The following GRM5 variants were observed in gnomAD, a reference collection of about 807,000 sequenced individuals.
GRM5 encodes metabotropic glutamate receptor 5.
In GRM5, 19 loss-of-function variants were observed where a neutral mutation model predicts 83.1. The observed-to-expected ratio is 0.23, with a 90% CI of 0.16 to 0.34. The LOEUF is 0.34. Ranked by LOEUF, GRM5 falls within the 10% of genes least tolerant of loss-of-function variation. The pLI is 1.00. For synonymous variants in GRM5, 675 were observed against 633.6 expected (o/e 1.07, Z -0.98); for missense variants, 1,160 against 1,588.3 (o/e 0.73, Z 4.58).
chr11:88,950,504 TTAATGA>T (rs1244612119), intron 2 of GRM5, among the ~76,000 whole-genome samples: 11 of 151,982 alleles, frequency 7.2e-5, no homozygotes, highest in Non-Finnish European at 1.6e-4. Context: ...CACTAAAATG[TTAATGA>T]TAAGAATAAA....
intron 3 of GRM5, among the ~76,000 whole-genome samples, chr11:88,730,124 C>T (rs1310788338): frequency 6.6e-6 from 1 of 152,134 alleles, no homozygotes; most frequent in Non-Finnish European, 1.5e-5. Context: ...TTTTTGCAAT[C>T]TACTCATCTG....
intron 9 of GRM5, among the ~76,000 whole-genome samples, chr11:88,512,788 T>G (rs1941414055): frequency 6.6e-6 from 1 of 152,242 alleles, no homozygotes; most frequent in African/African-American, 2.4e-5. Context: ...CTAAGGATGT[T>G]CAGTTTTTAT....
chr11:88,934,061 A>T (rs534914515), intron 2 of GRM5, among the ~76,000 whole-genome samples: 1 of 151,868 alleles, frequency 6.6e-6, no homozygotes, highest in Admixed American at 6.6e-5. Flanking sequence ...TCATAAAAGT[A>T]AAAAGAAAAA....
chr11:88,520,792 G>A lies in GRM5; in HGVS notation c.2726+4517C>T, dbSNP rs117404903. Among the ~76,000 whole-genome samples the A allele has an allele frequency of 5.3e-5, 8 of 152,140 alleles. No homozygotes were observed. In the East Asian group the frequency reaches 5.8e-4, roughly 11 times the overall value. The stretch of plus-strand genomic sequence containing the variant: ...ATCTGAGGTCCTACTCATTTAACAA[G>A]GACTATTATGACATGACTCTTACCA... On this transcript the variant is annotated intron_variant, in intron 9 of 9. Coordinates refer to ENST00000305447, the MANE Select transcript of GRM5 (RefSeq NM_001143831.3).
At chr11:88,634,459 C>G (rs1280875238) in intron 4 of GRM5, among the ~76,000 whole-genome samples, 1 of 151,970 alleles carries the variant, frequency 6.6e-6, no homozygotes, top group Non-Finnish European at 1.5e-5. Flanking sequence ...TAATCTTTTC[C>G]TATTTTTTAT....
At chr11:88,588,949 G>T (rs1431542162) in intron 7 of GRM5, among the ~76,000 whole-genome samples, 1 of 152,098 alleles carries the variant, frequency 6.6e-6, no homozygotes, top group Non-Finnish European at 1.5e-5. Flanking sequence ...AATGGAAATA[G>T]TAATAATAAA....
chr11:89,039,537 CA>C (rs970015658), intron 2 of GRM5, among the ~76,000 whole-genome samples: 58 of 149,596 alleles, frequency 3.9e-4, no homozygotes, highest in Middle Eastern at 3.4e-3. Flanking sequence ...TGCTAATAAA[CA>C]AAAAAAAAAT....
intron 2 of GRM5, among the ~76,000 whole-genome samples, chr11:88,880,923 T>C (rs1474814745): frequency 2.0e-5 from 3 of 152,144 alleles, no homozygotes; most frequent in East Asian, 3.9e-4. Context: ...ATACCTATCT[T>C]ATAGAATTGT....
At chr11:88,925,973 A>G (rs986903620) in intron 2 of GRM5, 17 of 301,384 alleles carry the variant, frequency 5.6e-5, no homozygotes, top group African/African-American at 2.3e-5. Flanking sequence ...CCCTTTTACT[A>G]TATCTGGAGG....
chr11:88,911,335 T>A (rs1945494755), intron 2 of GRM5, among the ~76,000 whole-genome samples: 1 of 152,166 alleles, frequency 6.6e-6, no homozygotes, highest in Admixed American at 6.6e-5. Flanking sequence ...TGTATCTTTA[T>A]CATTTTCTAT....
At chr11:88,802,863 A>C (rs1000808787) in intron 3 of GRM5, among the ~76,000 whole-genome samples, 5 of 151,790 alleles carry the variant, frequency 3.3e-5, no homozygotes, top group Admixed American at 1.3e-4. Flanking sequence ...CAATATACAA[A>C]AATCACAAGC....
chr11:88,915,009 A>T (rs752847038), intron 2 of GRM5, among the ~76,000 whole-genome samples: 16 of 152,266 alleles, frequency 1.1e-4, no homozygotes, highest in Non-Finnish European at 2.4e-4. Flanking sequence ...CCTTAACAAG[A>T]TTTTTAATGG....
intron 2 of GRM5, among the ~76,000 whole-genome samples, chr11:88,974,401 A>T (rs1032245048): frequency 1.3e-5 from 2 of 152,000 alleles, no homozygotes; most frequent in Non-Finnish European, 2.9e-5. Flanking sequence ...AGATAGATAG[A>T]TAGATAGATA....
chr11:88,738,593 ACTT>A (rs1294202113), intron 3 of GRM5, among the ~76,000 whole-genome samples: 5 of 152,226 alleles, frequency 3.3e-5, no homozygotes, highest in East Asian at 1.9e-4. Context: ...CCTGTGGAAT[ACTT>A]CTTCTCTTAA....
intron 4 of GRM5, among the ~76,000 whole-genome samples, chr11:88,611,971 T>TTA (rs1426761970): frequency 6.8e-6 from 1 of 146,304 alleles, no homozygotes; most frequent in African/African-American, 2.7e-5. Context: ...TTATTTATTA[T>TTA]TTTTTTTTAT....
chr11:88,532,676 C>A (rs559694150), intron 8 of GRM5, among the ~76,000 whole-genome samples: 18 of 152,098 alleles, frequency 1.2e-4, no homozygotes, highest in Non-Finnish European at 2.5e-4. Flanking sequence ...ATGATCAAAT[C>A]TCCAATGAGA....
chr11:88,555,425 G>A (rs1942602962), intron 8 of GRM5, among the ~76,000 whole-genome samples: 1 of 152,128 alleles, frequency 6.6e-6, no homozygotes, highest in African/African-American at 2.4e-5. Flanking sequence ...AATGCTGATT[G>A]TAATTATTCT....
chr11:88,612,836 T>C (rs1166256039), intron 4 of GRM5: 2 of 152,284 alleles, frequency 1.3e-5, no homozygotes, highest in African/African-American at 2.4e-5. Flanking sequence ...AATTTGCGTG[T>C]CATCCTTGCG....
intron 7 of GRM5, among the ~76,000 whole-genome samples, chr11:88,582,578 A>G (rs1395109444): frequency 2.0e-5 from 3 of 152,238 alleles, no homozygotes; most frequent in Admixed American, 6.5e-5. Context: ...TCCAGTTTCA[A>G]TATTAACAAG....
Sources: gnomAD v4.1 joint callset for allele counts (sites outside exome capture counted in the v4.1 genomes callset) on GRCh38, gnomAD v4.1.1 for gene constraint, MANE v1.5 for transcripts, NCBI Gene and HGNC (gene_info 2026-07-23, HGNC 2026-07-21) for gene names.